Variants in SLC5A4 observed in about 807,000 individuals in gnomAD.
The protein encoded by SLC5A4 is probable glucose sensor protein SLC5A4.
A neutral mutation model predicts 70.3 loss-of-function variants in SLC5A4; 55 were observed. The observed-to-expected ratio is 0.78, with a 90% confidence interval of 0.63 to 0.98. The LOEUF (loss-of-function observed/expected upper bound fraction) is 0.98. Ranked by LOEUF, SLC5A4 falls within the 50% of genes least tolerant of loss-of-function variation. SLC5A4 has a pLI of 0.00. For synonymous variants in SLC5A4, 268 were observed against 305.7 expected, an observed-to-expected ratio of 0.88 and a Z score of 1.29; for missense variants, 735 against 839.2, an observed-to-expected ratio of 0.88 and a Z score of 1.53.
the SLC5A4 span, among the ~76,000 whole-genome samples, chr22:32,328,411 G>T: frequency 6.6e-6 from 1 of 152,080 alleles, no homozygotes; most frequent in African/African-American, 2.4e-5. Flanking sequence ...CCAAGGTTAG[G>T]CTCCAAAAAA....
chr22:32,273,352 G>T, the SLC5A4 span: 1 of 178,344 alleles, frequency 5.6e-6, no homozygotes. Flanking sequence ...TACGGAAGGG[G>T]GAAACAGAAA....
At chr22:32,253,265 G>A (rs1927280113) in intron 2 of SLC5A4, among the ~76,000 whole-genome samples, 1 of 152,170 alleles carries the variant, frequency 6.6e-6, no homozygotes, top group Non-Finnish European at 1.5e-5. Flanking sequence ...GGAAGATACA[G>A]CCTCTGCTGC....
the SLC5A4 span, among the ~76,000 whole-genome samples, chr22:32,284,508 C>G: frequency 6.6e-6 from 1 of 152,196 alleles, no homozygotes; most frequent in African/African-American, 2.4e-5. Flanking sequence ...AAGCTGGGAG[C>G]TCAGCTGGGC....
chr22:32,307,079 G>A, the SLC5A4 span, among the ~76,000 whole-genome samples: 1 of 152,040 alleles, frequency 6.6e-6, no homozygotes, highest in African/African-American at 2.4e-5. Context: ...CAACCCAAGG[G>A]TAACCATTCT....
the SLC5A4 span, among the ~76,000 whole-genome samples, chr22:32,323,734 G>A: frequency 3.3e-5 from 5 of 152,318 alleles, no homozygotes; most frequent in African/African-American, 1.2e-4. Context: ...CTCCTTTACA[G>A]GCCATTCCCT....
the SLC5A4 span, among the ~76,000 whole-genome samples, chr22:32,311,795 T>C: frequency 3.7e-4 from 56 of 150,790 alleles, no homozygotes; most frequent in East Asian, 9.4e-3. Context: ...TCGGCGGTGA[T>C]GGTGGAGAAC....
At chr22:32,237,034 G>C (rs1236552804) in intron 7 of SLC5A4, among the ~76,000 whole-genome samples, 1 of 152,024 alleles carries the variant, frequency 6.6e-6, no homozygotes, top group Non-Finnish European at 1.5e-5. Flanking sequence ...AGAAAGTGAT[G>C]TTCTCTTCCC....
the SLC5A4 span, among the ~76,000 whole-genome samples, chr22:32,316,932 C>CTG: frequency 1.9e-4 from 13 of 67,404 alleles, no homozygotes; most frequent in African/African-American, 9.3e-4. Context: ...TAATTAACAA[C>CTG]TCTGTGTGTG....
chr22:32,291,079 A>G, the SLC5A4 span, among the ~76,000 whole-genome samples: 1 of 151,650 alleles, frequency 6.6e-6, no homozygotes, highest in Non-Finnish European at 1.5e-5. Context: ...GGATTTATCA[A>G]TTTTATTTTT....
chr22:32,306,164 T>C, the SLC5A4 span, among the ~76,000 whole-genome samples: 1 of 152,176 alleles, frequency 6.6e-6, no homozygotes, highest in African/African-American at 2.4e-5. Context: ...GGGACATTGT[T>C]ATAAAAATTA....
intron 5 of SLC5A4, among the ~76,000 whole-genome samples, chr22:32,240,045 A>G (rs939468791): frequency 1.4e-5 from 2 of 147,472 alleles, no homozygotes; most frequent in African/African-American, 5.0e-5. Context: ...AAAAAAAAAG[A>G]AAGTATGTAC....
At chr22:32,277,277 C>A in the SLC5A4 span, 3 of 152,186 alleles carry the variant, frequency 2.0e-5, no homozygotes, top group Non-Finnish European at 4.4e-5. Context: ...CACTTTCAAA[C>A]ATGTATTTCC....
chr22:32,252,219 G>C (rs1451516959), intron 2 of SLC5A4, among the ~76,000 whole-genome samples: 1 of 143,438 alleles, frequency 7.0e-6, no homozygotes, highest in African/African-American at 2.7e-5. Flanking sequence ...GACAGAGCAA[G>C]ACTCTGTCTC....
At chr22:32,270,322 C>T in the SLC5A4 span, 13 of 982,898 alleles carry the variant, frequency 1.3e-5, no homozygotes, top group Non-Finnish European at 2.0e-5. Flanking sequence ...TTGCTCCAGC[C>T]ACAGGAAGAA....
At chr22:32,340,981 T>G in the SLC5A4 span, among the ~76,000 whole-genome samples, 1 of 151,606 alleles carries the variant, frequency 6.6e-6, no homozygotes, top group African/African-American at 2.4e-5. Context: ...GAGGGGTGGG[T>G]GCGGATGGAT....
At chr22:32,293,887 G>T in the SLC5A4 span, among the ~76,000 whole-genome samples, 1 of 152,024 alleles carries the variant, frequency 6.6e-6, no homozygotes, top group Non-Finnish European at 1.5e-5. Context: ...GCTAGGTTTA[G>T]AATTCAAACA....
At chr22:32,220,789 A>C (rs1443533259) in intron 14 of SLC5A4, 131 bp downstream of exon 14, 3 of 701,366 alleles carry the variant, frequency 4.3e-6, no homozygotes, top group African/African-American at 1.8e-5. Flanking sequence ...AAAGGTAAAA[A>C]TTTAAAGTTT....
At chr22:32,332,305 T>TCCCC in the SLC5A4 span, among the ~76,000 whole-genome samples, 1 of 152,064 alleles carries the variant, frequency 6.6e-6, no homozygotes, top group African/African-American at 2.4e-5. Context: ...CTGCACTTCC[T>TCCCC]CCCCCACACT....
At chr22:32,226,124 A>G (rs928914682) in intron 11 of SLC5A4, among the ~76,000 whole-genome samples, 2 of 152,248 alleles carry the variant, frequency 1.3e-5, no homozygotes, top group Non-Finnish European at 2.9e-5. Context: ...TAGTATATCA[A>G]TTGGAAATAA....
Sources: gnomAD v4.1 joint callset for allele counts (sites outside exome capture counted in the v4.1 genomes callset) on GRCh38, gnomAD v4.1.1 for gene constraint, MANE v1.5 for transcripts, NCBI Gene and HGNC (gene_info 2026-07-23, HGNC 2026-07-21) for gene names.